RHOT1: variants seen among roughly 807,000 people sequenced by gnomAD.
RHOT1 encodes ras homolog family member T1, also known as mitochondrial Rho GTPase 1.
In RHOT1, 27 loss-of-function variants were observed where a neutral mutation model predicts 95.3. The ratio of observed to expected loss-of-function variants is 0.28; its 90% CI spans 0.21 to 0.39. The LOEUF (loss-of-function observed/expected upper bound fraction) is 0.39, where lower values mean the gene tolerates loss of function less well. Ranked by LOEUF, RHOT1 falls within the 10% of genes least tolerant of loss-of-function variation. The probability of loss-of-function intolerance (pLI) is 1.00; values close to 1 mark genes in which losing one functional copy is unlikely to be tolerated. For synonymous variants in RHOT1, 227 were observed against 263.5 expected (o/e 0.86, Z 1.34); for missense variants, 578 against 786.7 (o/e 0.73, Z 3.17).
chr17:32,143,310 G>A (rs2030733438), intron 1 of RHOT1, among the ~76,000 whole-genome samples: 1 of 152,156 alleles, frequency 6.6e-6, no homozygotes, highest in African/African-American at 2.4e-5. Flanking sequence ...TTGACATTAA[G>A]ATATGAGTAG....
chr17:32,216,543 A>G (rs1227772629), intron 19 of RHOT1, among the ~76,000 whole-genome samples: 5 of 152,166 alleles, frequency 3.3e-5, no homozygotes, highest in Non-Finnish European at 7.4e-5. Flanking sequence ...TGATGGATAG[A>G]CATCATACCT....
rs529139975 is a variant in RHOT1, at chr17:32,149,155, T to G, written c.37+6426T>G. On this transcript the variant is annotated intron_variant, in intron 1 of 19. Coordinates refer to ENST00000545287, the MANE Select transcript of RHOT1 (RefSeq NM_001033566.3). Reference sequence around the variant, plus strand: ...GGTTGGCTAATGAAGGATAAGTTTTTTGTCCTCCATATTAATAACATACTA... The same window carrying G: ...GGTTGGCTAATGAAGGATAAGTTTTGTGTCCTCCATATTAATAACATACTA... Among the ~76,000 whole-genome samples the G allele has an allele frequency of 3.3e-5, 5 of 152,288 alleles. No individual in the cohort carries two copies. The South Asian group carries it at 1.0e-3, about 32-fold the overall frequency.
At chr17:32,220,898 T>C (rs16967191) in intron 19 of RHOT1, among the ~76,000 whole-genome samples, 7,185 of 152,216 alleles carry the variant, frequency 0.047, 568 homozygotes, top group African/African-American at 0.16. Flanking sequence ...TACTTTGCCT[T>C]ATTTTCTAAT....
chr17:32,200,321 T>C (rs1032913424), intron 13 of RHOT1, among the ~76,000 whole-genome samples: 1 of 152,094 alleles, frequency 6.6e-6, no homozygotes, highest in African/African-American at 2.4e-5. Flanking sequence ...GGAAGGTAGA[T>C]CGCATAAAAT....
In RHOT1 at chr17:32,194,066, T is replaced by C. The variant is rs909717245; in HGVS notation, c.828T>C (p.Tyr276=). ...TTWTVLRRFG[Y]DDDLDLTPEY... ...GGACTGTGCTTCGACGATTTGGTTATGATGATGACCTGGATTTGACACCTG... is the reference window on the plus strand; with the variant it reads ...GGACTGTGCTTCGACGATTTGGTTACGATGATGACCTGGATTTGACACCTG... The change falls in exon 11 of 20, where the codon TAT becomes TAC. Residue 276 remains tyrosine (Y), a synonymous_variant. Coordinates refer to ENST00000545287, the MANE Select transcript of RHOT1 (RefSeq NM_001033566.3). 1.6e-5 allele frequency: 26 copies of C among 1,614,102 alleles called. No homozygotes were observed. Among genetic ancestry groups the C allele is most frequent in the East Asian group, 8.9e-5 (4 of 44,900 alleles).
intron 1 of RHOT1, among the ~76,000 whole-genome samples, chr17:32,145,818 C>G (rs747151416): frequency 5.9e-5 from 9 of 152,052 alleles, no homozygotes; most frequent in Non-Finnish European, 8.8e-5. Context: ...AGTTCGAGAC[C>G]AGCCTGGGCA....
At chr17:32,205,971 T>G (rs1396676624) in intron 16 of RHOT1, among the ~76,000 whole-genome samples, 1 of 152,068 alleles carries the variant, frequency 6.6e-6, no homozygotes, top group Non-Finnish European at 1.5e-5. Flanking sequence ...GTCATTTGCT[T>G]TTTGTTTTTG....
intron 6 of RHOT1, chr17:32,179,139 G>A: frequency 6.8e-6 from 1 of 147,122 alleles, no homozygotes; most frequent in Non-Finnish European, 1.4e-5. Context: ...CCTCTGCCCG[G>A]CCGCCCCGTC....
chr17:32,189,155 TG>T (rs2036274681), intron 8 of RHOT1, among the ~76,000 whole-genome samples: 1 of 152,066 alleles, frequency 6.6e-6, no homozygotes, highest in Admixed American at 6.6e-5. Flanking sequence ...AAAAATTAGC[TG>T]GGCGTGGTGG....
intron 8 of RHOT1, among the ~76,000 whole-genome samples, chr17:32,184,876 G>A (rs183524442): frequency 1.1e-4 from 16 of 151,870 alleles, no homozygotes; most frequent in Non-Finnish European, 2.9e-5. Flanking sequence ...AGGCTATTAC[G>A]AATAGACTGT....
chr17:32,219,340 C>G (rs2038682569), intron 19 of RHOT1, among the ~76,000 whole-genome samples: 1 of 152,166 alleles, frequency 6.6e-6, no homozygotes, highest in Non-Finnish European at 1.5e-5. Flanking sequence ...GTTGCCCAGG[C>G]TGGTCTTGAA....
In RHOT1 at chr17:32,200,951, CAT is replaced by C. The variant is rs781346973; in HGVS notation, c.1101-3_1101-2del. On this transcript the variant is annotated splice_region_variant and splice_polypyrimidine_tract_variant and intron_variant, in intron 13 of 19. Coordinates refer to ENST00000545287, the MANE Select transcript of RHOT1 (RefSeq NM_001033566.3). ...TTTCACATTTTAAACTCTTTTCTTTCATAGGCTCACGACTTATTTAGATGTAC... is the reference window on the plus strand; with the variant it reads ...TTTCACATTTTAAACTCTTTTCTTTCAGGCTCACGACTTATTTAGATGTAC... The C allele has an allele frequency of 1.9e-5, 31 of 1,600,800 alleles. No individual in the cohort carries two copies. In the African/African-American group the frequency reaches 3.8e-4, roughly 19 times the overall value.
intron 2 of RHOT1, chr17:32,173,019 A>T (rs1055413902): frequency 2.3e-4 from 35 of 152,220 alleles, no homozygotes; most frequent in African/African-American, 8.2e-4. Flanking sequence ...ATATTTAAAA[A>T]ATCTAACACC....
chr17:32,211,177 T>G lies in RHOT1; in HGVS notation c.1801T>G (p.Phe601Val). The change falls in exon 19 of 20, where the codon TTC becomes GTC. Residue 601 changes from phenylalanine (F) to valine (V), a missense_variant. Coordinates refer to ENST00000545287, the MANE Select transcript of RHOT1 (RefSeq NM_001033566.3). ...GTGTACATTTTGCATCTGTCAGAAC[T>G]TCCTCAACTCAGACTTGCTGCAATC... The part of the protein sequence containing the change: ...NRCTFCICQN[F>V]LNSDLLQSVK... 2.5e-6 allele frequency: 4 copies of G among 1,613,004 alleles called. No homozygotes were observed. The highest frequency in any genetic ancestry group is 3.4e-6 in the Non-Finnish European group (4 of 1,179,168).
chr17:32,199,325 C>A, intron 12 of RHOT1, 80 bp from the exon 13 acceptor site: 1 of 1,354,018 alleles, frequency 7.4e-7, no homozygotes, highest in Non-Finnish European at 1.0e-6. Flanking sequence ...AAAAGCATAG[C>A]TTTACTAGAT....
At chr17:32,192,940 C>T (rs1437461246) in intron 9 of RHOT1, among the ~76,000 whole-genome samples, 196 bp from the exon 10 acceptor site, 1 of 152,200 alleles carries the variant, frequency 6.6e-6, no homozygotes, top group Non-Finnish European at 1.5e-5. Flanking sequence ...GCTGGGATTA[C>T]AGGCGTGAGC....
At position 32,169,870 on chromosome 17, in the gene RHOT1, G is replaced by C. The variant is rs980534639; in HGVS notation, c.38-1173G>C. ...AAAATACAAAAAAAATTAGCTGGTT[G>C]TAGTGGCATCTGCCTGTAGTCCCAG... On this transcript the variant is annotated intron_variant, in intron 1 of 19. Transcript: ENST00000545287. Among the ~76,000 whole-genome samples the C allele has an allele frequency of 2.0e-5, 3 of 152,094 alleles. No individual in the cohort carries two copies. The East Asian group carries it at 5.8e-4, about 29-fold the overall frequency.
intron 18 of RHOT1, chr17:32,209,337 A>G (rs2037971191): frequency 6.8e-7 from 1 of 1,468,322 alleles, no homozygotes; most frequent in East Asian, 2.3e-5. Flanking sequence ...ACTCTCATGT[A>G]TGTTATCTAC....
chr17:32,221,370 CAAAAAA>C (rs397805349), intron 19 of RHOT1, among the ~76,000 whole-genome samples: 251 of 68,016 alleles, frequency 3.7e-3, no homozygotes, highest in African/African-American at 0.012. Flanking sequence ...TCGTCTGTCT[CAAAAAA>C]AAAAAAAAAA....
Sources: gnomAD v4.1 joint callset for allele counts (sites outside exome capture counted in the v4.1 genomes callset) on GRCh38, gnomAD v4.1.1 for gene constraint, MANE v1.5 for transcripts, NCBI Gene and HGNC (gene_info 2026-07-23, HGNC 2026-07-21) for gene names.